The following PIGU variants were observed in gnomAD, a reference collection of about 807,000 sequenced individuals.
The protein encoded by PIGU is phosphatidylinositol glycan anchor biosynthesis class U.
In PIGU, 24 loss-of-function variants were observed where a neutral mutation model predicts 49.9. The ratio of observed to expected loss-of-function variants is 0.48; its 90% CI spans 0.35 to 0.68. PIGU has a LOEUF of 0.68. Among genes scored for constraint, PIGU ranks in the 30% least tolerant of loss-of-function variants. PIGU has a pLI of 0.01. For synonymous variants in PIGU, 220 were observed against 205.7 expected (o/e 1.07, Z -0.59); for missense variants, 490 against 532.6 (o/e 0.92, Z 0.79).
intron 6 of PIGU, among the ~76,000 whole-genome samples, chr20:34,622,151 G>A (rs1226909477): frequency 6.6e-6 from 1 of 152,124 alleles, no homozygotes; most frequent in African/African-American, 2.4e-5. Flanking sequence ...GTTACTCAAC[G>A]TTTCGTGAAA....
At chr20:34,615,810 G>A (rs1984982605) in intron 7 of PIGU, among the ~76,000 whole-genome samples, 1 of 152,086 alleles carries the variant, frequency 6.6e-6, no homozygotes, top group Non-Finnish European at 1.5e-5. Context: ...CCTCCATTAG[G>A]GGCTTTAGAA....
intron 4 of PIGU, among the ~76,000 whole-genome samples, chr20:34,639,611 A>G (rs1986087038): frequency 6.6e-6 from 1 of 152,064 alleles, no homozygotes; most frequent in South Asian, 2.1e-4. Flanking sequence ...ACTATGCTTT[A>G]TCTATTTTTG....
chr20:34,584,295 C>A (rs1471125109), intron 9 of PIGU, among the ~76,000 whole-genome samples: 5 of 152,088 alleles, frequency 3.3e-5, no homozygotes, highest in African/African-American at 1.2e-4. Context: ...ATGGAGCAGG[C>A]CTAACATCTA....
At chr20:34,639,703 A>G (rs148343908) in intron 4 of PIGU, among the ~76,000 whole-genome samples, 11 of 152,364 alleles carry the variant, frequency 7.2e-5, no homozygotes, top group Admixed American at 5.2e-4. Context: ...AAACTTGCAC[A>G]GGTTTAGGTA....
intron 6 of PIGU, among the ~76,000 whole-genome samples, chr20:34,625,944 A>C (rs989253982): frequency 7.6e-6 from 1 of 132,306 alleles, no homozygotes; most frequent in Admixed American, 8.7e-5. Flanking sequence ...GATTAAAAAA[A>C]ATACATATAT....
At chr20:34,592,055 GT>G (rs1461143297) in intron 7 of PIGU, among the ~76,000 whole-genome samples, 2 of 152,010 alleles carry the variant, frequency 1.3e-5, no homozygotes, top group Admixed American at 6.6e-5. Context: ...GGGCGTGGTG[GT>G]TGGGCGCCTG....
At chr20:34,589,423 G>A (rs546241136) in intron 7 of PIGU, among the ~76,000 whole-genome samples, 4 of 152,272 alleles carry the variant, frequency 2.6e-5, no homozygotes, top group Admixed American at 1.3e-4. Flanking sequence ...GCACGATCTC[G>A]GCTCACTGCA....
intron 7 of PIGU, among the ~76,000 whole-genome samples, chr20:34,611,477 T>C (rs1477398548): frequency 1.3e-5 from 2 of 151,312 alleles, no homozygotes; most frequent in Non-Finnish European, 1.5e-5. Flanking sequence ...AAACCCCGTC[T>C]CTACTAAAAA....
rs536985208 is a variant in PIGU at position 34,561,134 on chromosome 20, A to G, written c.1195-155T>C. On this transcript the variant is annotated intron_variant, in intron 11 of 11. Coordinates refer to ENST00000217446, the MANE Select transcript of PIGU (RefSeq NM_080476.5). Reference sequence around the variant, plus strand: ...AGGCCCTCCTCAGGGCCCCCACCTCAGGGCCCATAATTGACCCTGCAAGGT... The same window carrying G: ...AGGCCCTCCTCAGGGCCCCCACCTCGGGGCCCATAATTGACCCTGCAAGGT... Among the ~76,000 whole-genome samples the G allele has an allele frequency of 8.2e-3, 1,255 of 152,214 alleles. 21 individuals carry two copies. Among genetic ancestry groups the G allele is most frequent in the African/African-American group, 0.029 (1,204 of 41,518 alleles).
In PIGU at chr20:34,568,777, A is replaced by G. The variant is rs115948769; in HGVS notation, c.1194+6327T>C. 8.1e-3 allele frequency among the ~76,000 whole-genome samples: 1,235 copies of G among 152,310 alleles called. 20 individuals are homozygous for G. The highest frequency in any genetic ancestry group is 0.029 in the African/African-American group (1,185 of 41,572). On this transcript the variant is annotated intron_variant, in intron 11 of 11. Coordinates refer to ENST00000217446, the MANE Select transcript of PIGU (RefSeq NM_080476.5). ...TCGGGCTTCAGGCCTCACTCAAAACAGAAAGGAGAATGGCCAATGCAAGGC... is the reference window on the plus strand; with the variant it reads ...TCGGGCTTCAGGCCTCACTCAAAACGGAAAGGAGAATGGCCAATGCAAGGC...
At chr20:34,666,801 A>T (rs1317353558) in intron 1 of PIGU, among the ~76,000 whole-genome samples, 2 of 142,412 alleles carry the variant, frequency 1.4e-5, no homozygotes, top group African/African-American at 5.3e-5. Flanking sequence ...GGTTGACGCC[A>T]TTCTCCTGCC....
Position 34,637,989 on chromosome 20 carries a change from GAAAAA to G in PIGU, c.319-9_319-5del. On this transcript the variant is annotated splice_region_variant and splice_polypyrimidine_tract_variant and intron_variant, in intron 4 of 11. Transcript: ENST00000217446. ...GGAGGAGTTTCTGCTTTTTAAACTAGAAAAAAAAAAAAAAGGAAAAGATAAAACAC... is the reference window on the plus strand; with the variant it reads ...GGAGGAGTTTCTGCTTTTTAAACTAGAAAAAAAAAGGAAAAGATAAAACAC... 7.5e-7 allele frequency: 1 copy of G among 1,341,302 alleles called. No homozygotes were observed. 83.1% of individuals were successfully genotyped at this position (1,341,302 alleles called of 1,614,324 possible). A position where few individuals can be genotyped will look rare whatever the true frequency, so the allele number is the denominator to read the frequency against.
intron 11 of PIGU, among the ~76,000 whole-genome samples, chr20:34,568,333 A>C (rs983037383): frequency 6.6e-6 from 1 of 152,214 alleles, no homozygotes; most frequent in African/African-American, 2.4e-5. Flanking sequence ...GGAAGGACAA[A>C]GGAATGAACT....
chr20:34,567,415 T>C (rs1982818355), intron 11 of PIGU, among the ~76,000 whole-genome samples: 1 of 152,218 alleles, frequency 6.6e-6, no homozygotes, highest in African/African-American at 2.4e-5. Context: ...TACAAGTAAC[T>C]GTCCCTTACA....
intron 1 of PIGU, among the ~76,000 whole-genome samples, chr20:34,658,843 C>T (rs1393452712): frequency 1.3e-5 from 2 of 151,620 alleles, no homozygotes; most frequent in Non-Finnish European, 2.9e-5. Flanking sequence ...CCGGCAGCCA[C>T]CCCGTCTGGG....
chr20:34,623,400 G>A (rs1446474600), intron 6 of PIGU, among the ~76,000 whole-genome samples: 1 of 151,864 alleles, frequency 6.6e-6, no homozygotes, highest in African/African-American at 2.4e-5. Flanking sequence ...AATTTATTGA[G>A]CACTTACTCT....
intron 5 of PIGU, among the ~76,000 whole-genome samples, chr20:34,637,004 A>G (rs1445284113): frequency 1.3e-5 from 2 of 152,212 alleles, no homozygotes; most frequent in Non-Finnish European, 2.9e-5. Context: ...GATCCCACCA[A>G]TATTTCTGAA....
chr20:34,615,289 A>T (rs995397826), intron 7 of PIGU, among the ~76,000 whole-genome samples: 2 of 152,196 alleles, frequency 1.3e-5, no homozygotes, highest in Non-Finnish European at 2.9e-5. Flanking sequence ...GCATTCTTCA[A>T]TTAATGTTTA....
At chr20:34,588,950 T>C (rs900526517) in intron 7 of PIGU, among the ~76,000 whole-genome samples, 2 of 152,200 alleles carry the variant, frequency 1.3e-5, no homozygotes, top group Admixed American at 6.5e-5. Context: ...TATGGTATAC[T>C]ATTTGCCAGG....
Sources: allele counts gnomAD v4.1 joint callset (sites outside exome capture counted in the v4.1 genomes callset), GRCh38; gene constraint gnomAD v4.1.1; transcripts MANE v1.5; gene names NCBI Gene and HGNC (gene_info 2026-07-23, HGNC 2026-07-21).